The following PLCG2 variants were observed in gnomAD, a reference collection of about 807,000 sequenced individuals.
PLCG2 encodes phospholipase C gamma 2.
A neutral mutation model predicts 175.6 loss-of-function variants in PLCG2; 69 were observed. The observed-to-expected ratio is 0.39, with a 90% confidence interval of 0.32 to 0.48. The LOEUF (loss-of-function observed/expected upper bound fraction) is 0.48, where lower values mean the gene tolerates loss of function less well. PLCG2 is among the 20% of genes least tolerant of loss of function. PLCG2 has a pLI of 0.91. For missense variants in PLCG2, 1,798 were observed against 1,650.9 expected (o/e 1.09, Z -1.54); for synonymous variants, 827 against 624.0 (o/e 1.33, Z -4.85).
intron 2 of PLCG2, among the ~76,000 whole-genome samples, chr16:81,851,827 C>G (rs551191112): frequency 6.6e-6 from 1 of 152,274 alleles, no homozygotes; most frequent in Non-Finnish European, 1.5e-5. Context: ...TTTCACATGG[C>G]TTTTGCCCAC....
rs201803492 is a variant in PLCG2, at chr16:81,923,489, A to G, written c.2312A>G (p.Gln771Arg). The G allele has an allele frequency of 3.4e-5, 54 of 1,607,570 alleles. No homozygotes were observed. In the African/African-American group the frequency reaches 4.1e-4, roughly 12 times the overall value. The change falls in exon 22 of 33, where the codon CAG (glutamine) becomes CGG (arginine). Residue 771 changes from glutamine to arginine, a missense_variant. Gln to Arg is a conservative substitution (Grantham distance 43). Transcript: ENST00000564138. Reference sequence around the variant, plus strand: ...CCTTCTTGTTTTCCCTGAAAGCCTCAGAGAACCGTGAAAGCTCTGTATGAC... The same window carrying G: ...CCTTCTTGTTTTCCCTGAAAGCCTCGGAGAACCGTGAAAGCTCTGTATGAC... ...DPSEINPSMP[Q>R]RTVKALYDYK... is the part of the protein sequence containing the mutation.
At chr16:81,778,957 G>A (rs571411081), upstream of PLCG2, among the ~76,000 whole-genome samples, 85 of 152,290 alleles carry the variant, frequency 5.6e-4, no homozygotes, top group Admixed American at 3.1e-3. Flanking sequence ...CCGGGCGCCC[G>A]GCCGGGAGTG....
At chr16:81,773,094 A>G (rs1910318498) in intron 2 of PLCG2, among the ~76,000 whole-genome samples, 1 of 152,212 alleles carries the variant, frequency 6.6e-6, no homozygotes, top group South Asian at 2.1e-4. Context: ...ATTTTCTTGG[A>G]GAGTGACTGA....
At chr16:81,825,829 T>C (rs1332648450) in intron 2 of PLCG2, among the ~76,000 whole-genome samples, 1 of 152,300 alleles carries the variant, frequency 6.6e-6, no homozygotes, top group East Asian at 1.9e-4. Context: ...AAGCAAGGTC[T>C]TGTCCTTCAG....
intron 21 of PLCG2, among the ~76,000 whole-genome samples, chr16:81,921,949 G>C (rs1438329635): frequency 6.6e-6 from 1 of 152,318 alleles, no homozygotes; most frequent in African/African-American, 2.4e-5. Context: ...TGGGCAAATT[G>C]AGCTGTGTGT....
At chr16:81,848,667 C>CATTTCTCTCTGTCCCT (rs1269802484) in intron 2 of PLCG2, among the ~76,000 whole-genome samples, 2 of 152,152 alleles carry the variant, frequency 1.3e-5, no homozygotes, top group East Asian at 3.9e-4. Flanking sequence ...TTGAGGTCCC[C>CATTTCTCTCTGTCCCT]ATTTCTCTCT....
At chr16:81,776,424 CCCTA>C, upstream of PLCG2, among the ~76,000 whole-genome samples, 1 of 150,990 alleles carries the variant, frequency 6.6e-6, no homozygotes, top group South Asian at 2.1e-4. Flanking sequence ...TGGTTTCTTT[CCCTA>C]CCTATTTTAT....
chr16:81,885,812 C>T (rs910969259), intron 9 of PLCG2, among the ~76,000 whole-genome samples: 63 of 152,266 alleles, frequency 4.1e-4, no homozygotes, highest in African/African-American at 1.3e-3. Context: ...CGTAGCTACC[C>T]TAGTAGGCTG....
At position 81,921,185 on chromosome 16, in the gene PLCG2, T is replaced by G. The variant is rs762604198; in HGVS notation, c.2236-13T>G. 32 of 1,477,618 alleles carry G rather than the reference T, an allele frequency of 2.2e-5. No homozygotes were observed. Among genetic ancestry groups the G allele is most frequent in the Non-Finnish European group, 2.6e-5 (28 of 1,059,862 alleles). 91.5% of individuals were successfully genotyped at this position (1,477,618 alleles called of 1,614,324 possible). A position where few individuals can be genotyped will look rare whatever the true frequency, so the allele number is the denominator to read the frequency against. ...ATGGATTATTCCATTTCTTTCTTTC[T>G]TTTTTTTTCCAGGAAAGAGATATAA... On this transcript the variant is annotated splice_polypyrimidine_tract_variant and intron_variant, in intron 20 of 32. Coordinates refer to ENST00000564138, the MANE Select transcript of PLCG2 (RefSeq NM_002661.5).
At position 81,911,120 on chromosome 16, in the gene PLCG2, C is replaced by T. The variant is rs145080817; in HGVS notation, c.1934+400C>T. On this transcript the variant is annotated intron_variant, in intron 18 of 32. Coordinates refer to ENST00000564138, the MANE Select transcript of PLCG2 (RefSeq NM_002661.5). ...TTTTTTTATCTAGTGAAATGAGTAT[C>T]AAGGTAGGTCTTGCGAAGGGTCAAC... 1.4e-4 allele frequency among the ~76,000 whole-genome samples: 22 copies of T among 152,118 alleles called. No individual in the cohort carries two copies. The East Asian group carries it at 3.9e-3, about 27-fold the overall frequency.
At position 81,921,257 on chromosome 16, in the gene PLCG2, C is replaced by G. The variant is rs1323172031; in HGVS notation, c.2295C>G (p.Ile765Met). Residue 765 changes from isoleucine to methionine, a missense_variant, in exon 21 of 33, where the codon ATC becomes ATG. By Grantham distance (10) the Ile-to-Met change is conservative. Coordinates refer to ENST00000564138, the MANE Select transcript of PLCG2 (RefSeq NM_002661.5). ...VSRMYVDPSEINPSMPQRTVK... is the reference protein window; with the variant it reads ...VSRMYVDPSEMNPSMPQRTVK... ...GAATGTATGTGGATCCCAGTGAAAT[C>G]AATCCGTCCATGGTACGGTGCCGAA... 2.5e-6 allele frequency: 4 copies of G among 1,606,494 alleles called. No individual in the cohort carries two copies. Among genetic ancestry groups the G allele is most frequent in the Non-Finnish European group, 3.4e-6 (4 of 1,173,118 alleles).
chr16:81,922,164 G>A (rs572500968), intron 21 of PLCG2, among the ~76,000 whole-genome samples: 16 of 152,286 alleles, frequency 1.1e-4, no homozygotes, highest in Admixed American at 3.3e-4. Flanking sequence ...CAAGGGTACT[G>A]CTTAGCCTCT....
intron 8 of PLCG2, among the ~76,000 whole-genome samples, chr16:81,882,259 C>T (rs1017724987): frequency 6.6e-6 from 1 of 152,208 alleles, no homozygotes; most frequent in Non-Finnish European, 1.5e-5. Context: ...TTCTGGTGGC[C>T]TGCTGGCCAA....
chr16:81,817,601 G>T (rs945226888), intron 2 of PLCG2, among the ~76,000 whole-genome samples: 1 of 152,300 alleles, frequency 6.6e-6, no homozygotes, highest in East Asian at 1.9e-4. Context: ...TGACAAAGAT[G>T]TATGTAGAAC....
intron 23 of PLCG2, among the ~76,000 whole-genome samples, chr16:81,927,655 A>G (rs12716926): frequency 0.7 from 105,868 of 151,720 alleles, 37,922 homozygotes; most frequent in East Asian, 0.82. Flanking sequence ...TCAGCGTGCT[A>G]GCACTCCACC....
intron 12 of PLCG2, 109 bp downstream of exon 12, chr16:81,893,903 A>T: frequency 1.5e-6 from 1 of 655,274 alleles, no homozygotes; most frequent in South Asian, 1.7e-5. Flanking sequence ...TGGACACATA[A>T]TAACTGTGCA....
chr16:81,914,364 G>A (rs1909753177), intron 19 of PLCG2, among the ~76,000 whole-genome samples: 1 of 152,192 alleles, frequency 6.6e-6, no homozygotes, highest in African/African-American at 2.4e-5. Context: ...CCAGGACAGT[G>A]TCCGGCAGAA....
chr16:81,893,644 G>A (rs1393322051), intron 11 of PLCG2, 65 bp from the exon 12 acceptor site: 8 of 939,020 alleles, frequency 8.5e-6, no homozygotes, highest in Middle Eastern at 2.2e-4. Context: ...ACCCTGAGGT[G>A]CAGGCTTGCC....
intron 19 of PLCG2, 109 bp downstream of exon 19, chr16:81,912,825 C>T: frequency 4.6e-6 from 6 of 1,316,452 alleles, no homozygotes; most frequent in Non-Finnish European, 6.1e-6. Context: ...TGCCCTGCCC[C>T]CCCAGCATCA....
Sources: gnomAD v4.1 joint callset for allele counts (sites outside exome capture counted in the v4.1 genomes callset) on GRCh38, gnomAD v4.1.1 for gene constraint, MANE v1.5 for transcripts, NCBI Gene and HGNC (gene_info 2026-07-23, HGNC 2026-07-21) for gene names.